PTGER2: variants seen among roughly 807,000 people sequenced by gnomAD.
The protein encoded by PTGER2 is prostaglandin E2 receptor EP2 subtype.
In PTGER2, 22 loss-of-function variants were observed where a neutral mutation model predicts 26.2. That is an observed-to-expected ratio of 0.84 (90% CI 0.60 to 1.20). PTGER2 has a LOEUF of 1.20. PTGER2 is among the 50% of genes most tolerant of loss of function. PTGER2 has a pLI of 0.00. For synonymous variants in PTGER2, 219 were observed against 208.9 expected, an observed-to-expected ratio of 1.05 and a Z score of -0.42; for missense variants, 458 against 475.2, an observed-to-expected ratio of 0.96 and a Z score of 0.34.
Position 52,327,407 on chromosome 14 carries a change from A to G in PTGER2, c.1030A>G (p.Thr344Ala). The G allele has an allele frequency of 6.2e-7, 1 of 1,613,536 alleles. No individual in the cohort carries two copies. The highest frequency in any genetic ancestry group is 8.5e-7 in the Non-Finnish European group (1 of 1,179,606). ...ATTAAGAACACAAGATGCAACACAAACTTCCTGTTCTACACAGTCAGATGC... is the reference window on the plus strand; with the variant it reads ...ATTAAGAACACAAGATGCAACACAAGCTTCCTGTTCTACACAGTCAGATGC... ...ISLRTQDATQ[T>A]SCSTQSDASK... Residue 344 changes from threonine to alanine, a missense_variant, in exon 2 of 2, where the codon ACT becomes GCT. Thr to Ala is a moderately conservative substitution (Grantham distance 58). Transcript: ENST00000245457.
In PTGER2 at chr14:52,327,457, T is replaced by A. The variant is rs2033963612; in HGVS notation, c.*3T>A. On this transcript the variant is annotated 3_prime_UTR_variant, in exon 2 of 2. Transcript: ENST00000245457. ...CCAGTAAACAGGCTGACCTTTGAGG[T>A]CAGTAGTTTAAAAGTTCTTAGTTAT... 2.5e-6 allele frequency: 4 copies of A among 1,577,822 alleles called. No homozygotes were observed. The East Asian group carries it at 9.0e-5, about 35-fold the overall frequency.
In PTGER2 at chr14:52,314,974, C is replaced by T. The variant is rs1328090053; in HGVS notation, c.426C>T (p.Tyr142=). Residue 142 remains tyrosine, a synonymous_variant, in exon 1 of 2, where the codon TAC becomes TAT. Transcript: ENST00000245457. This position sits in a 1 kb window ranked among gnomAD's most constrained non-coding sequence, Gnocchi z 5.7. ...LERYLSIGHP[Y]FYQRRVSRSG... is the part of the protein sequence containing the mutation. ...GCTACCTCTCGATCGGGCACCCCTA[C>T]TTCTACCAGCGCCGCGTCTCGCGCT... 2.5e-6 allele frequency: 4 copies of T among 1,613,366 alleles called. No individual in the cohort carries two copies. Among genetic ancestry groups the T allele is most frequent in the Admixed American group, 1.7e-5 (1 of 60,006 alleles).
In PTGER2 at chr14:52,314,707, C is replaced by A. The variant is rs1212054923; in HGVS notation, c.159C>A (p.Asp53Glu). The stretch of plus-strand genomic sequence containing the variant: ...TGCTGGCGCGCCGCTGGCGGGGGGA[C>A]GTGGGGTGCAGCGCCGGCCGCAGGA... ...LALLARRWRG[D>E]VGCSAGRRSS... is the part of the protein sequence containing the mutation. The change falls in exon 1 of 2, where the codon GAC becomes GAA. Residue 53 changes from aspartate to glutamate, a missense_variant. Transcript: ENST00000245457. This position sits in a 1 kb window ranked among gnomAD's most constrained non-coding sequence, Gnocchi z 5.7. The A allele has an allele frequency of 1.9e-6, 3 of 1,561,408 alleles. No individual in the cohort carries two copies. The highest frequency in any genetic ancestry group is 1.8e-5 in the Admixed American group (1 of 54,762).
intron 1 of PTGER2, among the ~76,000 whole-genome samples, chr14:52,325,641 T>C (rs1422138641): frequency 6.6e-6 from 1 of 152,210 alleles, no homozygotes; most frequent in Non-Finnish European, 1.5e-5. Context: ...CAAAATAGTT[T>C]AACTGACAAG....
chr14:52,325,408 G>A (rs1374332143), intron 1 of PTGER2, among the ~76,000 whole-genome samples: 2 of 152,118 alleles, frequency 1.3e-5, no homozygotes, highest in Non-Finnish European at 2.9e-5. Flanking sequence ...TGCACTTCTT[G>A]GCTGGCCAAT....
intron 1 of PTGER2, among the ~76,000 whole-genome samples, chr14:52,325,460 C>T (rs531862309): frequency 6.6e-6 from 1 of 152,328 alleles, no homozygotes; most frequent in East Asian, 1.9e-4. Context: ...ATCATCAACT[C>T]AGCTGCAGGC....
At chr14:52,326,521 A>G (rs1274585758) in intron 1 of PTGER2, among the ~76,000 whole-genome samples, 5 of 152,198 alleles carry the variant, frequency 3.3e-5, no homozygotes, top group African/African-American at 7.2e-5. Context: ...TATTATTATC[A>G]CCCATTTTAA....
In PTGER2 at chr14:52,314,983, G is replaced by A. The variant is rs767542581; in HGVS notation, c.435G>A (p.Gln145=). 5 of 1,613,412 alleles carry A rather than the reference G, an allele frequency of 3.1e-6. No homozygotes were observed. Among genetic ancestry groups the A allele is most frequent in the Non-Finnish European group, 4.2e-6 (5 of 1,180,018 alleles). The change falls in exon 1 of 2, where the codon CAG becomes CAA. Residue 145 remains glutamine, a synonymous_variant. Coordinates refer to ENST00000245457, the MANE Select transcript of PTGER2 (RefSeq NM_000956.4). The surrounding 1 kb of genome is among the most constrained non-coding windows in gnomAD (Gnocchi z 5.7). ...CGATCGGGCACCCCTACTTCTACCA[G>A]CGCCGCGTCTCGCGCTCCGGGGGCC... ...YLSIGHPYFY[Q]RRVSRSGGLA... is the part of the protein sequence containing the mutation.
intron 1 of PTGER2, among the ~76,000 whole-genome samples, chr14:52,317,848 C>T (rs1443991513): frequency 6.6e-6 from 1 of 152,170 alleles, no homozygotes; most frequent in Non-Finnish European, 1.5e-5. Flanking sequence ...ATGAACTATA[C>T]ACAAAATGGA....
At position 52,327,203 on chromosome 14, in the gene PTGER2, C is replaced by T. The variant is rs2033959294; in HGVS notation, c.844-18C>T. ...ACGATGTAAAACTAACATCATTTTT[C>T]CCCTTTGCTTCTTACAGATTTTTGC... On this transcript the variant is annotated intron_variant, in intron 1 of 1. Coordinates refer to ENST00000245457, the MANE Select transcript of PTGER2 (RefSeq NM_000956.4). The T allele has an allele frequency of 1.3e-6, 2 of 1,514,768 alleles. No individual in the cohort carries two copies. The highest frequency in any genetic ancestry group is 2.8e-5 in the African/African-American group (2 of 72,352). 93.8% of individuals were successfully genotyped at this position (1,514,768 alleles called of 1,614,324 possible).
chr14:52,316,105 T>C (rs1013756455), intron 1 of PTGER2, among the ~76,000 whole-genome samples: 1 of 152,220 alleles, frequency 6.6e-6, no homozygotes, highest in African/African-American at 2.4e-5. Flanking sequence ...GCATTTGTAA[T>C]ATCTTGCAAA....
chr14:52,315,042 T>G lies in PTGER2; in HGVS notation c.494T>G (p.Leu165Arg). ...CTGCCTGTCATCTATGCAGTCTCCC[T>G]GCTCTTCTGCTCGCTGCCGCTGCTG... ...AVLPVIYAVS[L>R]LFCSLPLLDY... The change falls in exon 1 of 2, where the codon CTG becomes CGG. Residue 165 changes from leucine to arginine, a missense_variant. Transcript: ENST00000245457. The G allele has an allele frequency of 1.2e-6, 2 of 1,612,986 alleles. No homozygotes were observed. The highest frequency in any genetic ancestry group is 1.7e-6 in the Non-Finnish European group (2 of 1,179,964).
chr14:52,319,035 A>G (rs1219310914), intron 1 of PTGER2, among the ~76,000 whole-genome samples: 1 of 152,208 alleles, frequency 6.6e-6, no homozygotes, highest in African/African-American at 2.4e-5. Flanking sequence ...AAGCTAGGCA[A>G]TTTAAGCACT....
intron 1 of PTGER2, among the ~76,000 whole-genome samples, chr14:52,326,089 C>A (rs1246339612): frequency 6.6e-6 from 1 of 152,200 alleles, no homozygotes; most frequent in Non-Finnish European, 1.5e-5. Context: ...GAAGTGTGAT[C>A]TTTATCAAGA....
chr14:52,318,161 G>C (rs1173547724), intron 1 of PTGER2, among the ~76,000 whole-genome samples: 2 of 152,136 alleles, frequency 1.3e-5, no homozygotes, highest in African/African-American at 2.4e-5. Context: ...CTAAAATTGT[G>C]GTCAGAAGTG....
intron 1 of PTGER2, among the ~76,000 whole-genome samples, chr14:52,319,782 T>C (rs1206941102): frequency 6.6e-6 from 1 of 152,232 alleles, no homozygotes; most frequent in East Asian, 1.9e-4. Context: ...AGTGCTTATG[T>C]ATTTTTATTC....
At chr14:52,323,169 G>A (rs1050970027) in intron 1 of PTGER2, among the ~76,000 whole-genome samples, 1 of 152,126 alleles carries the variant, frequency 6.6e-6, no homozygotes, top group Non-Finnish European at 1.5e-5. Flanking sequence ...TCCATTTGGG[G>A]TCCCTGACTT....
At chr14:52,316,003 T>C (rs1409185820) in intron 1 of PTGER2, among the ~76,000 whole-genome samples, 1 of 152,260 alleles carries the variant, frequency 6.6e-6, no homozygotes. Context: ...GGTTTCCCAA[T>C]TTATATATTT....
rs756857043 is a variant in PTGER2, at chr14:52,327,470, A to G, written c.*16A>G. The stretch of plus-strand genomic sequence containing the variant: ...TGACCTTTGAGGTCAGTAGTTTAAA[A>G]GTTCTTAGTTATATAGCATCTGGAA... On this transcript the variant is annotated 3_prime_UTR_variant, in exon 2 of 2. Coordinates refer to ENST00000245457, the MANE Select transcript of PTGER2 (RefSeq NM_000956.4). 80 of 1,537,252 alleles carry G rather than the reference A, an allele frequency of 5.2e-5. No homozygotes were observed. Among genetic ancestry groups the G allele is most frequent in the Admixed American group, 2.2e-4 (13 of 58,186 alleles).
Sources: gnomAD v4.1 joint callset for allele counts (sites outside exome capture counted in the v4.1 genomes callset) on GRCh38, gnomAD v4.1.1 for gene constraint, Gnocchi (gnomAD v3.1) non-coding constraint, MANE v1.5 for transcripts, NCBI Gene and HGNC (gene_info 2026-07-23, HGNC 2026-07-21) for gene names.